Variants in LOC128092252 observed in about 807,000 individuals in gnomAD.
the LOC128092252 span, among the ~76,000 whole-genome samples, chr15:50,684,527 G>A: frequency 6.6e-6 from 1 of 151,996 alleles, no homozygotes; most frequent in African/African-American, 2.4e-5. Flanking sequence ...TGGAGTCCCA[G>A]CTACTCGGGA....
chr15:50,672,835 G>A, the LOC128092252 span, among the ~76,000 whole-genome samples: 1 of 143,444 alleles, frequency 7.0e-6, no homozygotes, highest in Non-Finnish European at 1.5e-5. Context: ...GCTTGAACCA[G>A]GGAAGCAGAG....
chr15:50,675,486 T>G, the LOC128092252 span, among the ~76,000 whole-genome samples: 3,325 of 152,270 alleles, frequency 0.022, 120 homozygotes, highest in African/African-American at 0.077. Flanking sequence ...TTCTCATCAT[T>G]TACGGCCTTC....
At chr15:50,650,675 A>ACC in the LOC128092252 span, among the ~76,000 whole-genome samples, 1 of 151,970 alleles carries the variant, frequency 6.6e-6, no homozygotes, top group Non-Finnish European at 1.5e-5. Flanking sequence ...AGGATGGGCA[A>ACC]CACAGCAAGA....
the LOC128092252 span, among the ~76,000 whole-genome samples, chr15:50,685,828 C>T: frequency 6.6e-6 from 1 of 152,142 alleles, no homozygotes; most frequent in Non-Finnish European, 1.5e-5. Flanking sequence ...ATCAACTGTT[C>T]TCTGGGGCAA....
chr15:50,679,508 T>TA, the LOC128092252 span, among the ~76,000 whole-genome samples: 8 of 53,596 alleles, frequency 1.5e-4, no homozygotes, highest in African/African-American at 4.8e-4. Context: ...TGTGTATATA[T>TA]ATAATATATA....
the LOC128092252 span, among the ~76,000 whole-genome samples, chr15:50,682,110 A>T: frequency 6.9e-6 from 1 of 144,966 alleles, no homozygotes; most frequent in African/African-American, 2.6e-5. Flanking sequence ...ACTGGAAGGC[A>T]CAGTTTGCAG....
At chr15:50,649,853 C>T in the LOC128092252 span, among the ~76,000 whole-genome samples, 2 of 152,022 alleles carry the variant, frequency 1.3e-5, no homozygotes, top group African/African-American at 2.4e-5. Context: ...GGAGCTACAA[C>T]GAGAAAGTTC....
At chr15:50,666,602 G>A in the LOC128092252 span, among the ~76,000 whole-genome samples, 121 of 152,192 alleles carry the variant, frequency 8.0e-4, no homozygotes, top group Non-Finnish European at 1.4e-3. Context: ...TTGGGAGTTC[G>A]AGACCAGCCT....
chr15:50,668,901 T>C, the LOC128092252 span, among the ~76,000 whole-genome samples: 2 of 152,208 alleles, frequency 1.3e-5, no homozygotes, highest in Non-Finnish European at 2.9e-5. Flanking sequence ...AGGCTTTGAC[T>C]GGAATGATGT....
chr15:50,684,050 C>G, the LOC128092252 span, among the ~76,000 whole-genome samples: 1 of 152,022 alleles, frequency 6.6e-6, no homozygotes, highest in Admixed American at 6.6e-5. Flanking sequence ...CGGGGTTTCA[C>G]CATGTTGGCC....
At chr15:50,653,794 T>C in the LOC128092252 span, among the ~76,000 whole-genome samples, 1 of 152,182 alleles carries the variant, frequency 6.6e-6, no homozygotes, top group Non-Finnish European at 1.5e-5. Flanking sequence ...CCATGGGTCT[T>C]TGGCCATGGT....
the LOC128092252 span, among the ~76,000 whole-genome samples, chr15:50,649,160 C>T: frequency 6.6e-6 from 1 of 152,224 alleles, no homozygotes; most frequent in African/African-American, 2.4e-5. Flanking sequence ...ATAGTATTTA[C>T]ACCGGCTGTG....
chr15:50,660,445 G>C, the LOC128092252 span, among the ~76,000 whole-genome samples: 1 of 152,120 alleles, frequency 6.6e-6, no homozygotes, highest in Non-Finnish European at 1.5e-5. Context: ...CTGAGGTCAG[G>C]AGCTCGAGAC....
chr15:50,655,604 A>G, the LOC128092252 span, among the ~76,000 whole-genome samples: 1 of 152,178 alleles, frequency 6.6e-6, no homozygotes, highest in Non-Finnish European at 1.5e-5. Flanking sequence ...AAGTAGCTAG[A>G]GAAGAAAAAG....
chr15:50,655,560 T>C, the LOC128092252 span, among the ~76,000 whole-genome samples: 1 of 151,532 alleles, frequency 6.6e-6, no homozygotes, highest in Non-Finnish European at 1.5e-5. Flanking sequence ...GACATGCTGC[T>C]GAAAACCAAA....
At chr15:50,677,520 C>T in the LOC128092252 span, among the ~76,000 whole-genome samples, 7 of 151,862 alleles carry the variant, frequency 4.6e-5, no homozygotes, top group East Asian at 3.9e-4. Context: ...GCAGGCGGAT[C>T]GCAAGGTCAG....
At chr15:50,683,181 C>A in the LOC128092252 span, among the ~76,000 whole-genome samples, 2 of 151,664 alleles carry the variant, frequency 1.3e-5, no homozygotes, top group Non-Finnish European at 2.9e-5. Context: ...AGCCACTGCA[C>A]CCTGACCCAG....
At chr15:50,651,665 A>T in the LOC128092252 span, among the ~76,000 whole-genome samples, 1 of 151,850 alleles carries the variant, frequency 6.6e-6, no homozygotes, top group African/African-American at 2.4e-5. Context: ...TAAAGAAAAG[A>T]AGACTGTGGG....
the LOC128092252 span, among the ~76,000 whole-genome samples, chr15:50,679,538 A>ATATATATATATATATATATTT: frequency 2.3e-5 from 1 of 43,904 alleles, no homozygotes; most frequent in African/African-American, 1.1e-4. Flanking sequence ...ATATATATAT[A>ATATATATATATATATATATTT]TTTTTTTTTT....
Sources: gnomAD v4.1 joint callset for allele counts (sites outside exome capture counted in the v4.1 genomes callset) on GRCh38, gnomAD v4.1.1 for gene constraint, MANE v1.5 for transcripts.